Variants in PDE4B observed in about 807,000 individuals in gnomAD.
PDE4B encodes phosphodiesterase 4B, also known as 3',5'-cyclic-AMP phosphodiesterase 4B.
PDE4B carries 20 observed loss-of-function variants against 82.2 expected under a neutral mutation model. The ratio of observed to expected loss-of-function variants is 0.24; its 90% CI spans 0.17 to 0.35. The LOEUF is 0.35. Ranked by LOEUF, PDE4B falls within the 10% of genes least tolerant of loss-of-function variation. The pLI is 1.00. For missense variants in PDE4B, 655 were observed against 907.2 expected, an observed-to-expected ratio of 0.72 and a Z score of 3.57; for synonymous variants, 320 against 318.9, an observed-to-expected ratio of 1.00 and a Z score of -0.04.
chr1:66,090,951 G>C (rs1425126405), intron 3 of PDE4B, among the ~76,000 whole-genome samples: 1 of 151,852 alleles, frequency 6.6e-6, no homozygotes, highest in Non-Finnish European at 1.5e-5. Flanking sequence ...TGAGATGACA[G>C]TAGCTGTCAC....
intron 3 of PDE4B, among the ~76,000 whole-genome samples, chr1:66,218,138 A>G (rs981515230): frequency 6.6e-6 from 1 of 152,140 alleles, no homozygotes; most frequent in Non-Finnish European, 1.5e-5. Flanking sequence ...TTAGTGGTTT[A>G]CTATCTAGTG....
At chr1:66,223,927 A>C (rs1651214655) in intron 3 of PDE4B, among the ~76,000 whole-genome samples, 1 of 152,152 alleles carries the variant, frequency 6.6e-6, no homozygotes, top group Non-Finnish European at 1.5e-5. Flanking sequence ...TGGTGGCATC[A>C]TTTGTGATAA....
At chr1:66,058,193 C>T (rs1655401829) in intron 3 of PDE4B, among the ~76,000 whole-genome samples, 2 of 152,228 alleles carry the variant, frequency 1.3e-5, no homozygotes, top group African/African-American at 2.4e-5. Flanking sequence ...TCTCCTTTGA[C>T]TTCATGTCTC....
intron 3 of PDE4B, among the ~76,000 whole-genome samples, chr1:66,039,835 G>GGT (rs1654270351): frequency 6.7e-6 from 1 of 149,216 alleles, no homozygotes; most frequent in African/African-American, 2.4e-5. Context: ...CTATTATTTT[G>GGT]GTGTATACTT....
intron 6 of PDE4B, among the ~76,000 whole-genome samples, chr1:66,265,736 C>T (rs1238769612): frequency 6.6e-6 from 1 of 152,108 alleles, no homozygotes; most frequent in East Asian, 1.9e-4. Context: ...TTTCTCAGGG[C>T]TTCTTGGAAC....
intron 3 of PDE4B, among the ~76,000 whole-genome samples, chr1:66,108,645 C>T (rs1219065362): frequency 6.6e-6 from 1 of 151,206 alleles, no homozygotes; most frequent in African/African-American, 2.4e-5. Flanking sequence ...CTTGAAAAGA[C>T]ATACGAATGG....
intron 3 of PDE4B, among the ~76,000 whole-genome samples, chr1:66,093,915 C>G (rs1570213816): frequency 6.6e-6 from 1 of 152,094 alleles, no homozygotes; most frequent in East Asian, 1.9e-4. Context: ...CCTTGATGTT[C>G]TTTCATTCAT....
intron 6 of PDE4B, 38 bp from the exon 7 acceptor site, chr1:66,266,000 A>G: frequency 6.4e-7 from 1 of 1,560,426 alleles, no homozygotes; most frequent in Non-Finnish European, 8.8e-7. Flanking sequence ...GGCAGTTTTG[A>G]TACACAGACT....
chr1:66,057,078 A>G (rs777553538), intron 3 of PDE4B, among the ~76,000 whole-genome samples: 1 of 152,192 alleles, frequency 6.6e-6, no homozygotes, highest in Non-Finnish European at 1.5e-5. Flanking sequence ...AATCTGTAGT[A>G]ATATAAGCTT....
intron 3 of PDE4B, among the ~76,000 whole-genome samples, chr1:66,057,834 G>A (rs1039358082): frequency 2.0e-5 from 3 of 152,082 alleles, no homozygotes; most frequent in Non-Finnish European, 4.4e-5. Context: ...TTTGGGTGGG[G>A]ACACAAAACC....
chr1:65,852,776 T>C (rs925705560), intron 1 of PDE4B, among the ~76,000 whole-genome samples: 1 of 152,082 alleles, frequency 6.6e-6, no homozygotes. Context: ...TACAGTTCTT[T>C]TAAATTAATC....
At chr1:65,969,325 A>G (rs897334087) in intron 3 of PDE4B, among the ~76,000 whole-genome samples, 2 of 152,184 alleles carry the variant, frequency 1.3e-5, no homozygotes, top group Non-Finnish European at 2.9e-5. Flanking sequence ...GTGTGGTTAT[A>G]TCCAGTTATA....
intron 8 of PDE4B, among the ~76,000 whole-genome samples, chr1:66,347,209 G>T (rs1270504172): frequency 3.3e-5 from 5 of 152,136 alleles, no homozygotes; most frequent in Non-Finnish European, 2.9e-5. Context: ...ATCTTGAGGT[G>T]CATTGTTGTT....
At chr1:65,942,066 T>C (rs1185951673) in intron 3 of PDE4B, among the ~76,000 whole-genome samples, 1 of 152,120 alleles carries the variant, frequency 6.6e-6, no homozygotes, top group East Asian at 1.9e-4. Context: ...CTTATTGCTG[T>C]TAAGATAAAA....
chr1:66,298,012 G>T (rs1259925189), intron 7 of PDE4B, among the ~76,000 whole-genome samples: 1 of 152,100 alleles, frequency 6.6e-6, no homozygotes, highest in African/African-American at 2.4e-5. Flanking sequence ...TCATTTGTAT[G>T]AATGTAGGTA....
intron 8 of PDE4B, chr1:66,354,313 G>A: frequency 2.4e-6 from 2 of 820,794 alleles, no homozygotes; most frequent in Non-Finnish European, 2.9e-6. Flanking sequence ...AGAGGGTTAA[G>A]GAACACCTAG....
At chr1:66,115,146 A>G (rs528419861) in intron 3 of PDE4B, among the ~76,000 whole-genome samples, 1 of 152,318 alleles carries the variant, frequency 6.6e-6, no homozygotes, top group East Asian at 1.9e-4. Context: ...AATATTCAAA[A>G]TGGATGATGC....
intron 3 of PDE4B, among the ~76,000 whole-genome samples, chr1:66,056,831 G>A (rs1324508852): frequency 6.6e-6 from 1 of 151,990 alleles, no homozygotes; most frequent in Non-Finnish European, 1.5e-5. Flanking sequence ...TCTCCCTTAG[G>A]GTCTCCAGAA....
intron 3 of PDE4B, among the ~76,000 whole-genome samples, chr1:66,154,530 C>CT (rs554820977): frequency 1.5e-4 from 23 of 152,296 alleles, no homozygotes; most frequent in African/African-American, 5.3e-4. Flanking sequence ...CTGTTGTCCA[C>CT]TTTTTGGTTT....
Sources: allele counts gnomAD v4.1 joint callset (sites outside exome capture counted in the v4.1 genomes callset), GRCh38; gene constraint gnomAD v4.1.1; transcripts MANE v1.5; gene names NCBI Gene and HGNC (gene_info 2026-07-23, HGNC 2026-07-21).